The following RGS7 variants were observed in gnomAD, a reference collection of about 807,000 sequenced individuals.
The protein encoded by RGS7 is regulator of G protein signaling 7, also known as regulator of G-protein signaling 7.
Under a neutral mutation model 81.1 loss-of-function variants are expected in RGS7, and 27 were observed. That is an observed-to-expected ratio of 0.33 (90% CI 0.25 to 0.46). The LOEUF is 0.46. RGS7 is among the 20% of genes least tolerant of loss of function. RGS7 has a pLI of 1.00. For synonymous variants in RGS7, 208 were observed against 207.7 expected (o/e 1.00, Z -0.01); for missense variants, 396 against 607.4 (o/e 0.65, Z 3.66).
At chr1:240,947,059 A>G (rs1678755751) in intron 4 of RGS7, among the ~76,000 whole-genome samples, 1 of 152,204 alleles carries the variant, frequency 6.6e-6, no homozygotes, top group African/African-American at 2.4e-5. Flanking sequence ...TGATATTAAC[A>G]AGAAGAAATG....
intron 2 of RGS7, among the ~76,000 whole-genome samples, chr1:241,242,830 T>C (rs549678125): frequency 6.6e-6 from 1 of 152,236 alleles, no homozygotes; most frequent in South Asian, 2.1e-4. Context: ...GATGAGATTG[T>C]TTGTTTTTTC....
rs150725120 is a variant in RGS7, at chr1:240,920,528, C to T, written c.385+10189G>A. On this transcript the variant is annotated intron_variant, in intron 6 of 18. Coordinates refer to ENST00000440928, the MANE Select transcript of RGS7 (RefSeq NM_001364886.1). ...GCTCTGGCCTCTATGGTGATGGAGGCCAATACTTTGTCAAACCATGAAACT... is the reference window on the plus strand; with the variant it reads ...GCTCTGGCCTCTATGGTGATGGAGGTCAATACTTTGTCAAACCATGAAACT... 125 of 845,960 alleles carry T rather than the reference C, an allele frequency of 1.5e-4. No individual in the cohort carries two copies. The East Asian group carries it at 2.7e-3, about 18-fold the overall frequency. The allele number at this position is 845,960 out of a possible 1,614,324, so 52.4% of individuals were successfully genotyped here.
At chr1:241,352,220 T>A (rs745453880) in intron 2 of RGS7, among the ~76,000 whole-genome samples, 5 of 152,318 alleles carry the variant, frequency 3.3e-5, no homozygotes, top group Admixed American at 1.3e-4. Flanking sequence ...CTCTACAGAT[T>A]CTTCAAGAAG....
At chr1:241,195,842 T>G (rs914711320) in intron 2 of RGS7, among the ~76,000 whole-genome samples, 2 of 151,750 alleles carry the variant, frequency 1.3e-5, no homozygotes, top group African/African-American at 4.8e-5. Context: ...CATGCAAAAT[T>G]TATGGGACAG....
At chr1:241,315,213 G>C (rs1324736276) in intron 2 of RGS7, among the ~76,000 whole-genome samples, 2 of 128,104 alleles carry the variant, frequency 1.6e-5, no homozygotes, top group Non-Finnish European at 3.1e-5. Context: ...CTTAATAACA[G>C]CCAAAGATCA....
chr1:241,336,443 C>T (rs1225186301), intron 2 of RGS7, among the ~76,000 whole-genome samples: 1 of 152,162 alleles, frequency 6.6e-6, no homozygotes, highest in Non-Finnish European at 1.5e-5. Context: ...GAAGGATAAT[C>T]CCTAAAACAT....
chr1:241,008,825 T>C (rs941123972), intron 3 of RGS7, among the ~76,000 whole-genome samples: 1 of 145,578 alleles, frequency 6.9e-6, no homozygotes, highest in Non-Finnish European at 1.5e-5. Flanking sequence ...GGCAGGAGAA[T>C]TGCTTGAACC....
At chr1:241,127,604 A>G (rs1450667255) in intron 2 of RGS7, among the ~76,000 whole-genome samples, 1 of 152,180 alleles carries the variant, frequency 6.6e-6, no homozygotes, top group East Asian at 1.9e-4. Context: ...ATGACGAGTT[A>G]ATGGGTGCAG....
intron 3 of RGS7, among the ~76,000 whole-genome samples, chr1:241,035,668 C>T (rs1296008869): frequency 6.6e-6 from 1 of 152,110 alleles, no homozygotes; most frequent in Non-Finnish European, 1.5e-5. Context: ...TCATTACTAC[C>T]ACCACTTCCA....
intron 3 of RGS7, among the ~76,000 whole-genome samples, chr1:241,062,491 A>G (rs1012180167): frequency 6.6e-6 from 1 of 152,206 alleles, no homozygotes; most frequent in Non-Finnish European, 1.5e-5. Context: ...GACTCAAATT[A>G]TTTAAATCTC....
chr1:241,107,642 C>T (rs1394060809), intron 2 of RGS7, among the ~76,000 whole-genome samples: 1 of 152,178 alleles, frequency 6.6e-6, no homozygotes, highest in Admixed American at 6.5e-5. Context: ...ATGCACTAAC[C>T]CCATTCTTTT....
chr1:241,310,905 T>C (rs1434500881), intron 2 of RGS7, among the ~76,000 whole-genome samples: 1 of 152,200 alleles, frequency 6.6e-6, no homozygotes, highest in Non-Finnish European at 1.5e-5. Flanking sequence ...TGCAAGACAG[T>C]GGTCAAAGAA....
intron 6 of RGS7, among the ~76,000 whole-genome samples, chr1:240,881,536 A>G (rs910343039): frequency 6.6e-6 from 1 of 152,208 alleles, no homozygotes; most frequent in Admixed American, 6.5e-5. Context: ...TAATTCTTCA[A>G]ATAAAGGTAT....
intron 3 of RGS7, among the ~76,000 whole-genome samples, chr1:241,072,552 T>G (rs1269099180): frequency 6.6e-6 from 1 of 152,138 alleles, no homozygotes; most frequent in Non-Finnish European, 1.5e-5. Flanking sequence ...TCAGCTCTAG[T>G]ATGAAATTGA....
chr1:240,806,047 A>G (rs1688784829), intron 15 of RGS7, 93 bp downstream of exon 15: 1 of 1,106,468 alleles, frequency 9.0e-7, no homozygotes, highest in Non-Finnish European at 1.4e-6. Context: ...AATGTTAGAA[A>G]TAGCTGCCAT....
chr1:240,787,274 G>T (rs74151831), intron 18 of RGS7, among the ~76,000 whole-genome samples: 6,422 of 151,980 alleles, frequency 0.042, 145 homozygotes, highest in East Asian at 0.11. Flanking sequence ...TCTTCTAATG[G>T]TGTGTTGCTC....
intron 3 of RGS7, among the ~76,000 whole-genome samples, chr1:241,018,327 T>C (rs2059372693): frequency 6.6e-6 from 1 of 151,868 alleles, no homozygotes; most frequent in African/African-American, 2.4e-5. Flanking sequence ...TGTTTTCGCA[T>C]GCCTTGTAAT....
chr1:240,861,034 G>T (rs1039309877), intron 9 of RGS7, among the ~76,000 whole-genome samples: 1 of 152,100 alleles, frequency 6.6e-6, no homozygotes, highest in African/African-American at 2.4e-5. Flanking sequence ...GCTACAAAAT[G>T]TTAGGTTTAG....
At chr1:241,116,584 G>A (rs1009305375) in intron 2 of RGS7, among the ~76,000 whole-genome samples, 3 of 152,040 alleles carry the variant, frequency 2.0e-5, no homozygotes, top group Non-Finnish European at 4.4e-5. Context: ...GAAAAAAAGA[G>A]GGTGACAGAC....
Sources: gnomAD v4.1 joint callset for allele counts (sites outside exome capture counted in the v4.1 genomes callset) on GRCh38, gnomAD v4.1.1 for gene constraint, MANE v1.5 for transcripts, NCBI Gene and HGNC (gene_info 2026-07-23, HGNC 2026-07-21) for gene names.